The following WDFY4 variants were observed in gnomAD, a reference collection of about 807,000 sequenced individuals.
WDFY4 encodes WD repeat- and FYVE domain-containing protein 4.
WDFY4 carries 169 observed loss-of-function variants against 351.9 expected under a neutral mutation model. The observed-to-expected ratio is 0.48, with a 90% CI of 0.42 to 0.55. The LOEUF is 0.55. Among genes scored for constraint, WDFY4 ranks in the 20% least tolerant of loss-of-function variants. The pLI, the probability that WDFY4 is intolerant of heterozygous loss-of-function variation, is 0.00. For synonymous variants in WDFY4, 1,622 were observed against 1,574.6 expected (o/e 1.03, Z -0.71); for missense variants, 3,803 against 3,935.6 (o/e 0.97, Z 0.90).
chr10:48,729,545 C>T lies in WDFY4; in HGVS notation c.1085C>T (p.Thr362Ile), dbSNP rs1409214511. The T allele has an allele frequency of 5.8e-6, 9 of 1,551,746 alleles. No homozygotes were observed. The highest frequency in any genetic ancestry group is 7.8e-6 in the Non-Finnish European group (9 of 1,147,010). Reference sequence around the variant, plus strand: ...GAGCTGAAGGTGTTTGACAGCATCACTTACCCTCAGCTTGAAGGCTTCAAG... The same window carrying T: ...GAGCTGAAGGTGTTTGACAGCATCATTTACCCTCAGCTTGAAGGCTTCAAG... ...RSELKVFDSITYPQLEGFKFH... is the reference protein window; with the variant it reads ...RSELKVFDSIIYPQLEGFKFH... Residue 362 changes from threonine to isoleucine, a missense_variant, in exon 8 of 62, where the codon ACT (threonine) becomes ATT (isoleucine). Physicochemically the swap from Thr to Ile is moderately conservative, Grantham distance 89 (BLOSUM62 -1). Coordinates refer to ENST00000325239, the MANE Select transcript of WDFY4 (RefSeq NM_001394531.1).
intron 53 of WDFY4, among the ~76,000 whole-genome samples, chr10:48,961,673 GGAT>G (rs1475200752): frequency 6.6e-6 from 1 of 152,164 alleles, no homozygotes; most frequent in East Asian, 1.9e-4. Flanking sequence ...CAGTCACTGA[GGAT>G]GATGGCAGAT....
intron 44 of WDFY4, among the ~76,000 whole-genome samples, chr10:48,894,350 G>A (rs1836965174): frequency 1.3e-5 from 2 of 152,178 alleles, no homozygotes; most frequent in South Asian, 4.1e-4. Flanking sequence ...TAAAAGCTAG[G>A]GAGCATTTCT....
chr10:48,847,222 C>A (rs1048234174), intron 39 of WDFY4, among the ~76,000 whole-genome samples: 2 of 152,138 alleles, frequency 1.3e-5, no homozygotes, highest in African/African-American at 4.8e-5. Context: ...GTCCTCTGTA[C>A]ATGACCGTGT....
intron 60 of WDFY4, chr10:48,978,641 C>G (rs994694977): frequency 1.2e-5 from 5 of 434,040 alleles, no homozygotes; most frequent in African/African-American, 1.0e-4. Context: ...CATGTAACCA[C>G]CATCACCAAC....
chr10:48,685,034 A>T (rs924778213), intron 1 of WDFY4, 33 bp downstream of exon 1: 7 of 152,348 alleles, frequency 4.6e-5, no homozygotes, highest in Non-Finnish European at 1.0e-4. Context: ...CAGCCAGGCC[A>T]GCCTAGAGGT....
chr10:48,721,063 C>T (rs550454692), intron 3 of WDFY4, among the ~76,000 whole-genome samples, 198 bp from the exon 4 acceptor site: 5 of 152,256 alleles, frequency 3.3e-5, no homozygotes, highest in South Asian at 2.1e-4. Context: ...GCACAAAAAA[C>T]GCTGTCTTCC....
intron 47 of WDFY4, among the ~76,000 whole-genome samples, chr10:48,939,214 C>T (rs1450929670): frequency 6.6e-6 from 1 of 152,226 alleles, no homozygotes; most frequent in Non-Finnish European, 1.5e-5. Context: ...CCACTGCACT[C>T]TCCTTCCTCC....
At chr10:48,835,629 CT>C (rs1465698559) in intron 39 of WDFY4, among the ~76,000 whole-genome samples, 8 of 152,190 alleles carry the variant, frequency 5.3e-5, no homozygotes, top group African/African-American at 9.6e-5. Context: ...GATCTGGACA[CT>C]CAGAAACTGA....
chr10:48,938,316 C>T (rs1489992436), intron 47 of WDFY4, among the ~76,000 whole-genome samples: 1 of 152,238 alleles, frequency 6.6e-6, no homozygotes, highest in Admixed American at 6.5e-5. Context: ...AGGGCTACAC[C>T]TAGCCTCCTA....
intron 1 of WDFY4, among the ~76,000 whole-genome samples, chr10:48,686,444 T>C (rs1434544545): frequency 6.6e-6 from 1 of 152,210 alleles, no homozygotes; most frequent in Non-Finnish European, 1.5e-5. Context: ...GCATCATCTC[T>C]GAGGTCCTCT....
At position 48,875,911 on chromosome 10, in the gene WDFY4, C is replaced by T. The variant is rs140397830; in HGVS notation, c.7000+771C>T. Among the ~76,000 whole-genome samples the T allele has an allele frequency of 1.3e-4, 20 of 152,326 alleles. No homozygotes were observed. The East Asian group carries it at 3.7e-3, about 28-fold the overall frequency. On this transcript the variant is annotated intron_variant, in intron 42 of 61. Coordinates refer to ENST00000325239, the MANE Select transcript of WDFY4 (RefSeq NM_001394531.1). ...TGTGATACCTGTTTGCCTCTCGTCT[C>T]TCCACCCCAAGCCCTACAACTCTCA...
At chr10:48,773,872 C>T (rs1403555400) in intron 13 of WDFY4, among the ~76,000 whole-genome samples, 1 of 152,168 alleles carries the variant, frequency 6.6e-6, no homozygotes, top group African/African-American at 2.4e-5. Flanking sequence ...TCTTGTACTC[C>T]CAGGCAGATT....
chr10:48,761,433 C>A (rs74802016), intron 13 of WDFY4, among the ~76,000 whole-genome samples: 12,722 of 152,118 alleles, frequency 0.084, 677 homozygotes, highest in East Asian at 0.24. Flanking sequence ...TCTCTGCCTG[C>A]GGTCCATGTG....
chr10:48,981,843 C>T (rs547951946), intron 61 of WDFY4, among the ~76,000 whole-genome samples: 23 of 152,240 alleles, frequency 1.5e-4, no homozygotes, highest in Admixed American at 3.9e-4. Flanking sequence ...TGATGATTAT[C>T]CTTCATTAAC....
chr10:48,963,975 A>G lies in WDFY4; in HGVS notation c.8357A>G (p.Asp2786Gly). 1 of 1,550,844 alleles carries G rather than the reference A, an allele frequency of 6.4e-7. No individual in the cohort carries two copies. The highest frequency in any genetic ancestry group is 1.2e-5 in the South Asian group (1 of 84,020). The stretch of plus-strand genomic sequence containing the variant: ...CCCTACTTCTACGGTGACAGAATGG[A>G]CCTCAGCAGCATCACTGACCCCCTC... ...FHPYFYGDRM[D>G]LSSITDPLIK... is the part of the protein sequence containing the mutation. The change falls in exon 54 of 62, where the codon GAC (aspartate) becomes GGC (glycine). Residue 2786 changes from aspartate (D) to glycine (G), a missense_variant. Physicochemically the swap from Asp to Gly is moderately conservative, Grantham distance 94. Around this residue, in one of 3 missense-constraint regions of WDFY4, gnomAD observed 3,054 missense variants for 3,148.6 expected, o/e 0.97. Coordinates refer to ENST00000325239, the MANE Select transcript of WDFY4 (RefSeq NM_001394531.1).
At chr10:48,723,665 C>T in intron 5 of WDFY4, 98 bp downstream of exon 5, 1 of 1,485,004 alleles carries the variant, frequency 6.7e-7, no homozygotes, top group Non-Finnish European at 9.0e-7. Context: ...TTTCTCAGCC[C>T]TGGTTCCTGA....
At chr10:48,805,046 C>T (rs897665180) in intron 25 of WDFY4, among the ~76,000 whole-genome samples, 9 of 151,732 alleles carry the variant, frequency 5.9e-5, no homozygotes, top group Non-Finnish European at 1.2e-4. Flanking sequence ...TTCCGGGGGG[C>T]GGAGGGGACA....
intron 42 of WDFY4, among the ~76,000 whole-genome samples, chr10:48,875,697 G>A (rs894461336): frequency 6.6e-6 from 1 of 152,186 alleles, no homozygotes; most frequent in Non-Finnish European, 1.5e-5. Context: ...TTATAGCCAT[G>A]AGCCAGCACA....
intron 22 of WDFY4, 140 bp from the exon 23 acceptor site, chr10:48,790,587 C>A: frequency 3.3e-6 from 3 of 916,804 alleles, no homozygotes; most frequent in Non-Finnish European, 4.9e-6. Context: ...TCCCCCCAGC[C>A]TGTCCCAGGT....
Sources: allele counts gnomAD v4.1 joint callset (sites outside exome capture counted in the v4.1 genomes callset), GRCh38; gene constraint gnomAD v4.1.1; regional missense constraint gnomAD v4.1.1; transcripts MANE v1.5; gene names NCBI Gene and HGNC (gene_info 2026-07-23, HGNC 2026-07-21).